EXD2: variants seen among roughly 807,000 people sequenced by gnomAD.
EXD2 encodes the protein exonuclease 3'-5' domain containing 2.
A neutral mutation model predicts 62.5 loss-of-function variants in EXD2; 40 were observed. The observed-to-expected ratio is 0.64, with a 90% CI of 0.50 to 0.83. The LOEUF is 0.83. EXD2 is among the 40% of genes least tolerant of loss of function. The pLI, the probability that EXD2 is intolerant of heterozygous loss-of-function variation, is 0.00. For missense variants in EXD2, 671 were observed against 761.8 expected, an observed-to-expected ratio of 0.88 and a Z score of 1.40; for synonymous variants, 239 against 291.9, an observed-to-expected ratio of 0.82 and a Z score of 1.85.
At chr14:69,225,329 A>T (rs538842474) in intron 3 of EXD2, among the ~76,000 whole-genome samples, 17 of 152,304 alleles carry the variant, frequency 1.1e-4, no homozygotes, top group African/African-American at 4.1e-4. Flanking sequence ...TTTTATGAAT[A>T]CTGTTTTGTT....
intron 3 of EXD2, among the ~76,000 whole-genome samples, chr14:69,212,507 TC>T (rs1315754653): frequency 6.6e-6 from 1 of 151,770 alleles, no homozygotes; most frequent in Non-Finnish European, 1.5e-5. Context: ...TTATTTTTGT[TC>T]TTCTTTATTG....
At position 69,228,892 on chromosome 14, in the gene EXD2, G is replaced by A. The variant is rs769308734; in HGVS notation, c.410G>A (p.Arg137His). The change falls in exon 4 of 10, where the codon CGC becomes CAC. Residue 137 changes from arginine (R) to histidine (H), a missense_variant. Physicochemically the swap from Arg to His is conservative, Grantham distance 29. Transcript: ENST00000685843. ...CCAAGTGGCCTGTGTGTCTTGGTTC[G>A]CCTGCCCAAGCTAATCTGTGGAGGA... ...ASPSGLCVLV[R>H]LPKLICGGKT... 46 of 1,613,994 alleles carry A rather than the reference G, an allele frequency of 2.9e-5. No homozygotes were observed. The highest frequency in any genetic ancestry group is 5.0e-5 in the Admixed American group (3 of 59,982).
intron 1 of EXD2, among the ~76,000 whole-genome samples, chr14:69,194,149 T>A (rs1340315439): frequency 3.3e-5 from 5 of 151,998 alleles, no homozygotes; most frequent in Non-Finnish European, 7.4e-5. Context: ...ATTCTTTTTT[T>A]TTTTTTTGAG....
In EXD2 at chr14:69,240,939, C is replaced by G; in HGVS notation, c.1705C>G (p.Gln569Glu). The part of the protein sequence containing the change: ...HGLKVVQCHS[Q>E]GGLRSLMQLE... ...GCTGAAGGTGGTGCAGTGTCACAGC[C>G]AGGGTGGCCTGCGCTCCCTCATGCA... Residue 569 changes from glutamine (Q) to glutamate (E), a missense_variant, in exon 10 of 10, where the codon CAG (glutamine) becomes GAG (glutamate). Transcript: ENST00000685843. The G allele has an allele frequency of 6.2e-7, 1 of 1,613,710 alleles. No individual in the cohort carries two copies. The highest frequency in any genetic ancestry group is 8.5e-7 in the Non-Finnish European group (1 of 1,180,024).
In EXD2 at chr14:69,209,408, G is replaced by C. The variant is rs773103606; in HGVS notation, c.-47-16G>C. The stretch of plus-strand genomic sequence containing the variant: ...ATATTCTGTATATAAATATATTTTT[G>C]CCATTTGTTTTGCAGATTGTGGGAT... On this transcript the variant is annotated splice_polypyrimidine_tract_variant and intron_variant, in intron 2 of 9. Coordinates refer to ENST00000685843, the MANE Select transcript of EXD2 (RefSeq NM_001193360.2). 35 of 1,321,758 alleles carry C rather than the reference G, an allele frequency of 2.6e-5. No homozygotes were observed. Among genetic ancestry groups the C allele is most frequent in the Non-Finnish European group, 3.4e-5 (34 of 987,720 alleles). The allele number at this position is 1,321,758 out of a possible 1,614,324, so 81.9% of individuals were successfully genotyped here.
At chr14:69,200,733 A>C (rs2042369316) in intron 1 of EXD2, among the ~76,000 whole-genome samples, 1 of 151,172 alleles carries the variant, frequency 6.6e-6, no homozygotes, top group Non-Finnish European at 1.5e-5. Flanking sequence ...CTAAAATGGT[A>C]AATGTTATGT....
intron 3 of EXD2, among the ~76,000 whole-genome samples, chr14:69,221,536 A>G (rs1372882896): frequency 6.6e-6 from 1 of 152,142 alleles, no homozygotes; most frequent in East Asian, 1.9e-4. Flanking sequence ...AGGCTGAGGC[A>G]GGAGGATCAC....
intron 6 of EXD2, 64 bp downstream of exon 6, chr14:69,235,095 C>T (rs574658749): frequency 2.8e-6 from 4 of 1,433,962 alleles, no homozygotes; most frequent in South Asian, 3.0e-5. Flanking sequence ...GGGTTTGATG[C>T]TTCCCTGGGG....
At chr14:69,206,999 T>C (rs1434737303) in intron 2 of EXD2, among the ~76,000 whole-genome samples, 21 of 152,244 alleles carry the variant, frequency 1.4e-4, no homozygotes, top group Non-Finnish European at 2.9e-5. Context: ...AGCTTCAGTT[T>C]CCTCTTCAAT....
At chr14:69,208,386 CTTT>C (rs1276488322) in intron 2 of EXD2, among the ~76,000 whole-genome samples, 2 of 151,334 alleles carry the variant, frequency 1.3e-5, no homozygotes, top group Admixed American at 6.6e-5. Flanking sequence ...AATTTCTTGT[CTTT>C]TTAGTAGAGA....
At position 69,209,427 on chromosome 14, in the gene EXD2, G is replaced by A. The variant is rs2042728649; in HGVS notation, c.-44G>A. The A allele has an allele frequency of 7.1e-7, 1 of 1,416,710 alleles. No homozygotes were observed. The highest frequency in any genetic ancestry group is 9.3e-7 in the Non-Finnish European group (1 of 1,070,432). The allele number at this position is 1,416,710 out of a possible 1,614,324, so 87.8% of individuals were successfully genotyped here. A position where few individuals can be genotyped will look rare whatever the true frequency, so the allele number is the denominator to read the frequency against. On this transcript the variant is annotated 5_prime_UTR_variant, in exon 3 of 10. In the 5' UTR this introduces an upstream ATG that the reference lacks. Transcript: ENST00000685843. Reference sequence around the variant, plus strand: ...ATTTTTGCCATTTGTTTTGCAGATTGTGGGATTAGTGATATGCTTTTCTAA... The same window carrying A: ...ATTTTTGCCATTTGTTTTGCAGATTATGGGATTAGTGATATGCTTTTCTAA...
At chr14:69,207,575 A>G (rs2042648056) in intron 2 of EXD2, among the ~76,000 whole-genome samples, 5 of 152,198 alleles carry the variant, frequency 3.3e-5, no homozygotes, top group Admixed American at 3.3e-4. Context: ...ACCTTCAGCC[A>G]TAGAGAAGTA....
At chr14:69,219,838 G>A (rs1317707400) in intron 3 of EXD2, among the ~76,000 whole-genome samples, 2 of 151,994 alleles carry the variant, frequency 1.3e-5, no homozygotes, top group Non-Finnish European at 2.9e-5. Context: ...TTGCCTTGGT[G>A]TACCTGGCTA....
At chr14:69,229,527 G>A (rs573583733) in intron 4 of EXD2, among the ~76,000 whole-genome samples, 3 of 152,240 alleles carry the variant, frequency 2.0e-5, no homozygotes, top group African/African-American at 4.8e-5. Flanking sequence ...TTAGATGAGC[G>A]TGCTCTGTTC....
chr14:69,208,193 TGGCCA>T (rs563247134), intron 2 of EXD2, among the ~76,000 whole-genome samples: 1,863 of 139,698 alleles, frequency 0.013, 38 homozygotes, highest in African/African-American at 0.048. Flanking sequence ...CCACTGCACC[TGGCCA>T]GGCCACTTAC....
rs1406683196 is a variant in EXD2, at chr14:69,237,884, C to T, written c.1602C>T (p.Asp534=). Residue 534 remains aspartate, a synonymous_variant, in exon 9 of 10, where the codon GAC becomes GAT. Transcript: ENST00000685843. ...CACTCAGAGAGTTTTATAACACAGA[C>T]GTGGTCACAGAGGAGATGCTTCAAG... ...LQALREFYNT[D]VVTEEMLQEA... is the part of the protein sequence containing the mutation. 11 of 1,601,006 alleles carry T rather than the reference C, an allele frequency of 6.9e-6. No individual in the cohort carries two copies. In the Admixed American group the frequency reaches 6.9e-5, roughly 10 times the overall value.
intron 7 of EXD2, 106 bp from the exon 8 acceptor site, chr14:69,236,301 T>C: frequency 1.3e-6 from 2 of 1,584,612 alleles, no homozygotes; most frequent in East Asian, 2.2e-5. Context: ...CCAGAAATCA[T>C]GTTCTCTGCC....
intron 3 of EXD2, among the ~76,000 whole-genome samples, chr14:69,217,282 T>C: frequency 6.6e-6 from 1 of 152,196 alleles, no homozygotes; most frequent in Non-Finnish European, 1.5e-5. Context: ...CTTGAATTTC[T>C]GGCCTCAAGT....
intron 9 of EXD2, chr14:69,239,328 T>C (rs911294441): frequency 1.3e-5 from 2 of 152,178 alleles, no homozygotes; most frequent in African/African-American, 4.8e-5. Context: ...GGAGTTGAAA[T>C]AAGGGAACTG....
Sources: gnomAD v4.1 joint callset for allele counts (sites outside exome capture counted in the v4.1 genomes callset) on GRCh38, gnomAD v4.1.1 for gene constraint, MANE v1.5 for transcripts, NCBI Gene and HGNC (gene_info 2026-07-23, HGNC 2026-07-21) for gene names.